The following SDK1 variants were observed in gnomAD, a reference collection of about 807,000 sequenced individuals.
The protein encoded by SDK1 is protein sidekick-1.
Under a neutral mutation model 245.5 loss-of-function variants are expected in SDK1, and 157 were observed. The ratio of observed to expected loss-of-function variants is 0.64; its 90% CI spans 0.56 to 0.73. The LOEUF is 0.73. Ranked by LOEUF, SDK1 falls within the 30% of genes least tolerant of loss-of-function variation. The pLI is 0.00. For synonymous variants in SDK1, 1,647 were observed against 1,278.5 expected, an observed-to-expected ratio of 1.29 and a Z score of -6.15; for missense variants, 3,583 against 3,002.3, an observed-to-expected ratio of 1.19 and a Z score of -4.52.
At chr7:3,387,486 A>G (rs180736817) in intron 1 of SDK1, among the ~76,000 whole-genome samples, 2 of 152,346 alleles carry the variant, frequency 1.3e-5, no homozygotes, top group East Asian at 3.9e-4. Flanking sequence ...TCCTGTTTAT[A>G]ACAGAATCTG....
intron 22 of SDK1, among the ~76,000 whole-genome samples, chr7:4,103,630 C>T (rs1031644188): frequency 2.0e-5 from 3 of 152,218 alleles, no homozygotes; most frequent in Admixed American, 2.0e-4. Flanking sequence ...TTAAATCATT[C>T]GCATGTTCAT....
chr7:3,975,015 TTTAAG>T lies in SDK1; in HGVS notation c.1994+477_1994+481del, dbSNP rs534257539. The stretch of plus-strand genomic sequence containing the variant: ...TGCCCCTCCGTGGGTAAATAGATAC[TTTAAG>T]TTAAGTCTTGTGAAATCTTGAAAAC... On this transcript the variant is annotated intron_variant, in intron 13 of 44. Transcript: ENST00000404826. Among the ~76,000 whole-genome samples the T allele has an allele frequency of 2.0e-3, 306 of 152,200 alleles. 2 individuals carry two copies. Among genetic ancestry groups the T allele is most frequent in the African/African-American group, 6.9e-3 (288 of 41,526 alleles).
At chr7:4,012,933 A>G (rs934897589) in intron 16 of SDK1, among the ~76,000 whole-genome samples, 6 of 152,138 alleles carry the variant, frequency 3.9e-5, no homozygotes, top group Non-Finnish European at 7.3e-5. Flanking sequence ...GTGTTGTTCA[A>G]TACAGTAATT....
At chr7:3,317,876 ATATTATGCAGTTTT>A (rs1181477482) in intron 1 of SDK1, among the ~76,000 whole-genome samples, 2 of 152,148 alleles carry the variant, frequency 1.3e-5, no homozygotes, top group Admixed American at 6.5e-5. Flanking sequence ...TTTTGTGGTT[ATATTATGCAGTTTT>A]TATTATGCAG....
chr7:3,971,655 G>T, intron 12 of SDK1, 87 bp downstream of exon 12: 1 of 998,886 alleles, frequency 1.0e-6, no homozygotes, highest in Non-Finnish European at 1.5e-6. Flanking sequence ...GAAGAATTGG[G>T]GGAACTTTTG....
intron 4 of SDK1, among the ~76,000 whole-genome samples, chr7:3,740,830 T>C (rs958990084): frequency 1.3e-5 from 2 of 152,224 alleles, no homozygotes; most frequent in Non-Finnish European, 2.9e-5. Context: ...TTTTTGTCCA[T>C]GTTCTCATTG....
intron 1 of SDK1, among the ~76,000 whole-genome samples, chr7:3,549,599 CAG>C (rs1779337305): frequency 1.3e-5 from 2 of 152,160 alleles, no homozygotes; most frequent in Admixed American, 1.3e-4. Context: ...CATCTGCGAT[CAG>C]AGTTACCTGG....
chr7:4,149,937 G>T (rs886770234), intron 30 of SDK1, among the ~76,000 whole-genome samples: 1 of 152,178 alleles, frequency 6.6e-6, no homozygotes, highest in East Asian at 1.9e-4. Flanking sequence ...CTTAGTGATG[G>T]CTGGGGAAGA....
intron 19 of SDK1, among the ~76,000 whole-genome samples, chr7:4,064,645 G>C (rs1049729563): frequency 1.3e-5 from 2 of 152,164 alleles, no homozygotes; most frequent in African/African-American, 4.8e-5. Flanking sequence ...CAGTAGCCAA[G>C]ATACGGAATC....
At chr7:4,220,014 G>A in intron 38 of SDK1, 95 bp from the exon 39 acceptor site, 1 of 1,431,976 alleles carries the variant, frequency 7.0e-7, no homozygotes, top group Non-Finnish European at 9.5e-7. Context: ...GCAAACTGCA[G>A]GGACCACTTT....
intron 14 of SDK1, among the ~76,000 whole-genome samples, chr7:4,004,243 C>T (rs1210541752): frequency 6.6e-6 from 1 of 152,218 alleles, no homozygotes; most frequent in Non-Finnish European, 1.5e-5. Context: ...CAAGGGAGCT[C>T]AGCCAGTGGA....
At chr7:3,738,756 GTTTATT>G (rs1377964397) in intron 4 of SDK1, among the ~76,000 whole-genome samples, 2 of 151,740 alleles carry the variant, frequency 1.3e-5, no homozygotes, top group African/African-American at 4.8e-5. Context: ...CCTTTCTTAA[GTTTATT>G]TTTAAGTATT....
intron 5 of SDK1, among the ~76,000 whole-genome samples, chr7:3,851,758 CG>C (rs1562490399): frequency 6.6e-6 from 1 of 152,084 alleles, no homozygotes; most frequent in African/African-American, 2.4e-5. Flanking sequence ...CCAGAAGAAA[CG>C]GCCTTTGGAA....
At chr7:3,915,315 G>A (rs1320789328) in intron 5 of SDK1, among the ~76,000 whole-genome samples, 2 of 152,158 alleles carry the variant, frequency 1.3e-5, no homozygotes, top group African/African-American at 4.8e-5. Context: ...CATGTACCCT[G>A]ATGTGGTTTG....
rs10236865 is a variant in SDK1 at position 4,074,418 on chromosome 7, C to T, written c.3011-2580C>T. ...GGTTCCAGCAAGTCCACGAAGCTTT[C>T]TGTGGCTTGGTTTCTTCCTTTGTGA... On this transcript the variant is annotated intron_variant, in intron 20 of 44. Coordinates refer to ENST00000404826, the MANE Select transcript of SDK1 (RefSeq NM_152744.4). Among the ~76,000 whole-genome samples the T allele has an allele frequency of 7.0e-3, 1,063 of 152,282 alleles. 13 individuals carry two copies. The highest frequency in any genetic ancestry group is 0.024 in the African/African-American group (995 of 41,552).
intron 4 of SDK1, among the ~76,000 whole-genome samples, chr7:3,809,414 C>G (rs978818457): frequency 6.6e-6 from 1 of 152,120 alleles, no homozygotes; most frequent in Admixed American, 6.5e-5. Flanking sequence ...AGATCCAGAC[C>G]GTATCCCTGA....
chr7:3,401,497 A>T (rs1347620564), intron 1 of SDK1, among the ~76,000 whole-genome samples: 1 of 152,134 alleles, frequency 6.6e-6, no homozygotes, highest in African/African-American at 2.4e-5. Flanking sequence ...TATGGAACCC[A>T]TAGGACTTCA....
chr7:3,656,660 C>T (rs1276843663), intron 4 of SDK1, among the ~76,000 whole-genome samples: 3 of 152,090 alleles, frequency 2.0e-5, no homozygotes, highest in African/African-American at 7.2e-5. Flanking sequence ...GGACTCAACC[C>T]ATACATGCTC....
intron 4 of SDK1, among the ~76,000 whole-genome samples, chr7:3,781,078 G>A (rs1412386634): frequency 1.3e-5 from 2 of 151,962 alleles, no homozygotes; most frequent in South Asian, 2.1e-4. Flanking sequence ...CCACCTCATA[G>A]CTCCACCCTG....
Sources: allele counts gnomAD v4.1 joint callset (sites outside exome capture counted in the v4.1 genomes callset), GRCh38; gene constraint gnomAD v4.1.1; transcripts MANE v1.5; gene names NCBI Gene and HGNC (gene_info 2026-07-23, HGNC 2026-07-21).